SYNC: variants seen among roughly 807,000 people sequenced by gnomAD.
SYNC encodes the protein syncoilin.
SYNC carries 38 observed loss-of-function variants against 49.5 expected under a neutral mutation model. The observed-to-expected ratio is 0.77, with a 90% CI of 0.59 to 1.01. The LOEUF (loss-of-function observed/expected upper bound fraction) is 1.01. SYNC is among the 50% of genes least tolerant of loss of function. The probability of loss-of-function intolerance (pLI) is 0.00; values close to 1 mark genes in which losing one functional copy is unlikely to be tolerated. For missense variants in SYNC, 579 were observed against 580.6 expected (o/e 1.00, Z 0.03); for synonymous variants, 201 against 230.8 (o/e 0.87, Z 1.17).
intron 1 of SYNC, among the ~76,000 whole-genome samples, chr1:32,698,657 C>T (rs1438925154): frequency 1.3e-5 from 2 of 152,348 alleles, no homozygotes; most frequent in East Asian, 3.9e-4. Context: ...GACATCTGAG[C>T]TCTTTGACCC....
chr1:32,697,231 C>T (rs927114702), intron 1 of SYNC, among the ~76,000 whole-genome samples: 2 of 150,544 alleles, frequency 1.3e-5, no homozygotes, highest in African/African-American at 2.4e-5. Flanking sequence ...CACCTGAGGT[C>T]GGGAGTTCAA....
intron 2 of SYNC, chr1:32,685,499 A>C (rs754873711): frequency 1.3e-5 from 2 of 152,210 alleles, no homozygotes; most frequent in Non-Finnish European, 2.9e-5. Flanking sequence ...GTTGGGGTAC[A>C]TGCTATTATT....
chr1:32,689,683 C>T (rs1650063923), intron 2 of SYNC, among the ~76,000 whole-genome samples: 1 of 152,068 alleles, frequency 6.6e-6, no homozygotes, highest in Non-Finnish European at 1.5e-5. Context: ...TGGCTCATGC[C>T]TGTAATCCCA....
At chr1:32,688,623 C>T (rs930207847) in intron 2 of SYNC, among the ~76,000 whole-genome samples, 7 of 152,120 alleles carry the variant, frequency 4.6e-5, no homozygotes, top group Admixed American at 3.9e-4. Flanking sequence ...TTTTTTAAGG[C>T]GGAGTCTTTG....
chr1:32,684,411 A>G (rs1461356805), intron 2 of SYNC, 29 bp from the exon 3 acceptor site: 1 of 1,613,812 alleles, frequency 6.2e-7, no homozygotes, highest in Non-Finnish European at 8.5e-7. Flanking sequence ...AACATTTCTA[A>G]TGAGCCAAAC....
intron 2 of SYNC, among the ~76,000 whole-genome samples, chr1:32,689,095 C>T (rs1650033223): frequency 6.6e-6 from 1 of 151,704 alleles, no homozygotes; most frequent in Admixed American, 6.6e-5. Flanking sequence ...CATGCCACCA[C>T]GCCCAGCTAA....
At chr1:32,686,121 G>A (rs1649813670) in intron 2 of SYNC, 1 of 152,190 alleles carries the variant, frequency 6.6e-6, no homozygotes, top group South Asian at 2.1e-4. Flanking sequence ...TTCTAAGACA[G>A]CACACAAAAT....
intron 2 of SYNC, among the ~76,000 whole-genome samples, chr1:32,691,174 T>C (rs188244937): frequency 0.014 from 2,011 of 140,944 alleles, 5 homozygotes; most frequent in East Asian, 0.042. Flanking sequence ...GCCCAGATCA[T>C]GCCACTGCAC....
chr1:32,701,488 T>C (rs188110298), intron 1 of SYNC, among the ~76,000 whole-genome samples: 1 of 152,168 alleles, frequency 6.6e-6, no homozygotes, highest in East Asian at 1.9e-4. Flanking sequence ...CCAGATGAAC[T>C]CCAAGGAGGA....
chr1:32,695,380 G>A lies in SYNC; in HGVS notation c.718C>T (p.Arg240Trp), dbSNP rs1467605278. ...TTGAAAAGCTTCTGCTTGACCAGCC[G>A]GATCTCCTCCCTTAGGCCATCTCTC... ...LERDGLREEIRLVKQKLFKVT... is the reference protein window; with the variant it reads ...LERDGLREEIWLVKQKLFKVT... The change falls in exon 2 of 5, where the codon CGG (arginine) becomes TGG (tryptophan). Residue 240 changes from arginine (R) to tryptophan (W), a missense_variant. Arg to Trp is a moderately radical substitution (Grantham distance 101). Transcript: ENST00000409190. The A allele has an allele frequency of 5.8e-6, 9 of 1,551,426 alleles. No individual in the cohort carries two copies. Among genetic ancestry groups the A allele is most frequent in the South Asian group, 3.6e-5 (3 of 84,028 alleles).
rs1450119970 is a variant in SYNC, at chr1:32,682,108, G to A, written c.1439-248C>T. ...TAATTACAATGCCTGAAATTCTGTA[G>A]TTTCATTTCTTTGGATTAGTCGTTG... is the stretch of plus-strand genomic sequence containing the variant. On this transcript the variant is annotated intron_variant, in intron 4 of 4. Coordinates refer to ENST00000409190, the MANE Select transcript of SYNC (RefSeq NM_030786.3). 8.2e-6 allele frequency: 4 copies of A among 487,940 alleles called. No homozygotes were observed. In the East Asian group the frequency reaches 1.1e-4, roughly 13 times the overall value. 30.2% of individuals were successfully genotyped at this position (487,940 alleles called of 1,614,324 possible).
chr1:32,695,122 CAG>C lies in SYNC; in HGVS notation c.974_975del (p.Ser325CysfsTer4), dbSNP rs776096347. 4 of 1,611,714 alleles carry C rather than the reference CAG, an allele frequency of 2.5e-6. No individual in the cohort carries two copies. Among genetic ancestry groups the C allele is most frequent in the Admixed American group, 1.7e-5 (1 of 59,638 alleles). On this transcript the variant is annotated frameshift_variant, in exon 2 of 5. Coordinates refer to ENST00000409190, the MANE Select transcript of SYNC (RefSeq NM_030786.3). LOFTEE classifies it high-confidence loss of function. ...TCTGCCATGAGATTTTCAAACTGGG[CAG>C]AGAGTCGCCGGCTTTCCTGGAGAAA... ...GHFLQESRRL[S>X]AQFENLMAES... is the part of the protein sequence containing the mutation.
intron 1 of SYNC, among the ~76,000 whole-genome samples, chr1:32,701,654 CA>C (rs1220872191): frequency 6.6e-6 from 1 of 152,152 alleles, no homozygotes; most frequent in Non-Finnish European, 1.5e-5. Context: ...CTCTTTTAAA[CA>C]GAGAGAGGAG....
intron 2 of SYNC, among the ~76,000 whole-genome samples, chr1:32,687,864 T>TTATTATTATTATTATTATTG (rs1557871719): frequency 5.4e-4 from 2 of 3,734 alleles, no homozygotes; most frequent in African/African-American, 7.8e-4. Context: ...TATTATTATT[T>TTATTATTATTATTATTATTG]TTTGAGATGG....
intron 1 of SYNC, among the ~76,000 whole-genome samples, chr1:32,699,362 C>T (rs955997645): frequency 6.6e-6 from 1 of 150,968 alleles, no homozygotes; most frequent in Non-Finnish European, 1.5e-5. Flanking sequence ...CCATGTTGGC[C>T]AGGATGGTCT....
At chr1:32,688,388 T>C (rs1227251479) in intron 2 of SYNC, among the ~76,000 whole-genome samples, 1 of 152,176 alleles carries the variant, frequency 6.6e-6, no homozygotes, top group Non-Finnish European at 1.5e-5. Context: ...ATCTATGAAA[T>C]GTCCCCTCTT....
chr1:32,700,322 C>A (rs563988536), intron 1 of SYNC, among the ~76,000 whole-genome samples: 1 of 152,190 alleles, frequency 6.6e-6, no homozygotes, highest in Non-Finnish European at 1.5e-5. Flanking sequence ...ATTCTCGTGC[C>A]GAGCCGCCCA....
Position 32,702,468 on chromosome 1 carries a change from G to T in SYNC, c.53+140C>A, listed in dbSNP as rs1650703660. ...GCCCGACTCCCCGATGTCCCCTCAC[G>T]AGGCGGCTCCAGTGCCCCACCCCGG... On this transcript the variant is annotated intron_variant, in intron 1 of 4. Transcript: ENST00000409190. The surrounding 1 kb of genome is among the most constrained non-coding windows in gnomAD (Gnocchi z 6.2). The T allele has an allele frequency of 1.3e-6, 1 of 783,776 alleles. No individual in the cohort carries two copies. The highest frequency in any genetic ancestry group is 1.7e-6 in the Non-Finnish European group (1 of 601,400). 48.6% of individuals were successfully genotyped at this position (783,776 alleles called of 1,614,324 possible). A position where few individuals can be genotyped will look rare whatever the true frequency, so the allele number is the denominator to read the frequency against.
At position 32,702,645 on chromosome 1, in the gene SYNC, G is replaced by C; in HGVS notation, c.16C>G (p.Pro6Ala). 8.3e-7 allele frequency: 1 copy of C among 1,210,084 alleles called. No individual in the cohort carries two copies. Among genetic ancestry groups the C allele is most frequent in the Non-Finnish European group, 1.0e-6 (1 of 974,292 alleles). The allele number at this position is 1,210,084 out of a possible 1,614,324, so 75.0% of individuals were successfully genotyped here. A position where few individuals can be genotyped will look rare whatever the true frequency, so the allele number is the denominator to read the frequency against. The change falls in exon 1 of 5, where the codon CCC (proline) becomes GCC (alanine). Residue 6 changes from proline to alanine, a missense_variant. By Grantham distance (27) the Pro-to-Ala change is conservative (BLOSUM62 -1). Coordinates refer to ENST00000409190, the MANE Select transcript of SYNC (RefSeq NM_030786.3). The surrounding 1 kb of genome is among the most constrained non-coding windows in gnomAD (Gnocchi z 6.2). ...GCGGCGCCGTCCCCGCCGCGCCGGG[G>C]CTCCGGGCTGGCCATGGCTGCGCGA... MASPEPRRGGDGAAQA... is the reference protein window; with the variant it reads MASPEARRGGDGAAQA...
Sources: allele counts gnomAD v4.1 joint callset (sites outside exome capture counted in the v4.1 genomes callset), GRCh38; gene constraint gnomAD v4.1.1; non-coding constraint Gnocchi (gnomAD v3.1); transcripts MANE v1.5; gene names NCBI Gene and HGNC (gene_info 2026-07-23, HGNC 2026-07-21).